The following MAGI1 variants were observed in gnomAD, a reference collection of about 807,000 sequenced individuals.
The protein encoded by MAGI1 is membrane associated guanylate kinase, WW and PDZ domain containing 1, also known as membrane-associated guanylate kinase, WW and PDZ domain-containing protein 1.
MAGI1 carries 58 observed loss-of-function variants against 139.9 expected under a neutral mutation model. The observed-to-expected ratio is 0.41, with a 90% CI of 0.34 to 0.52. The LOEUF (loss-of-function observed/expected upper bound fraction) is 0.52, where lower values mean the gene tolerates loss of function less well. MAGI1 is among the 20% of genes least tolerant of loss of function. The pLI, the probability that MAGI1 is intolerant of heterozygous loss-of-function variation, is 0.12. For synonymous variants in MAGI1, 812 were observed against 737.9 expected, an observed-to-expected ratio of 1.10 and a Z score of -1.63; for missense variants, 1,874 against 1,901.6, an observed-to-expected ratio of 0.99 and a Z score of 0.27.
At position 65,782,613 on chromosome 3, in the gene MAGI1, CAAAAAAAAAAAAA is replaced by C. The variant is rs56367932; in HGVS notation, c.314-160538_314-160526del. Among the ~76,000 whole-genome samples the C allele has an allele frequency of 7.3e-3, 445 of 60,616 alleles. 15 individuals are homozygous for C. The Middle Eastern group carries it at 0.091, about 12-fold the overall frequency. The allele number at this position is 60,616 out of a possible 152,430, so 39.8% of individuals were successfully genotyped here. A position where few individuals can be genotyped will look rare whatever the true frequency, so the allele number is the denominator to read the frequency against. On this transcript the variant is annotated intron_variant, in intron 1 of 22. Transcript: ENST00000402939. The stretch of plus-strand genomic sequence containing the variant: ...TTTTAAAGTATATGGATTTCTTAAG[CAAAAAAAAAAAAA>C]AAAAAAAAAAAAAAGTTAGATGAAA...
intron 12 of MAGI1, among the ~76,000 whole-genome samples, chr3:65,420,832 T>C (rs1946589829): frequency 6.6e-6 from 1 of 152,178 alleles, no homozygotes; most frequent in African/African-American, 2.4e-5. Context: ...CTCAATGCAT[T>C]AAGTTTACCT....
Position 66,002,935 on chromosome 3 carries a change from T to C in MAGI1, c.313+35061A>G, listed in dbSNP as rs1313041996. Among the ~76,000 whole-genome samples the C allele has an allele frequency of 4.6e-5, 7 of 152,172 alleles. No homozygotes were observed. In the East Asian group the frequency reaches 7.7e-4, roughly 17 times the overall value. Reference sequence around the variant, plus strand: ...CAGACAGGTAAATTGCACCTAATGATTGACACTAACAGGAGAATTATTAAT... The same window carrying C: ...CAGACAGGTAAATTGCACCTAATGACTGACACTAACAGGAGAATTATTAAT... On this transcript the variant is annotated intron_variant, in intron 1 of 22. Coordinates refer to ENST00000402939, the MANE Select transcript of MAGI1 (RefSeq NM_001033057.2).
chr3:65,712,486 A>AC (rs2031596287), intron 1 of MAGI1, among the ~76,000 whole-genome samples: 1 of 151,088 alleles, frequency 6.6e-6, no homozygotes, highest in Non-Finnish European at 1.5e-5. Context: ...ATGCGCGATA[A>AC]TAAAATTGTG....
chr3:65,724,928 G>A (rs9863365), intron 1 of MAGI1, among the ~76,000 whole-genome samples: 2,168 of 152,136 alleles, frequency 0.014, 51 homozygotes, highest in African/African-American at 0.05. Context: ...CACAACACTC[G>A]GGGGTTATGG....
intron 1 of MAGI1, among the ~76,000 whole-genome samples, chr3:65,790,025 A>T (rs2039654209): frequency 6.6e-6 from 1 of 152,220 alleles, no homozygotes; most frequent in Admixed American, 6.5e-5. Context: ...AATGTATTGC[A>T]TGTCTTTTAC....
chr3:65,516,996 G>T (rs990721366), intron 2 of MAGI1, among the ~76,000 whole-genome samples: 2 of 151,808 alleles, frequency 1.3e-5, no homozygotes, highest in Non-Finnish European at 2.9e-5. Flanking sequence ...CCAAAGTGCT[G>T]GGATTACAGG....
intron 1 of MAGI1, among the ~76,000 whole-genome samples, chr3:65,991,969 C>T (rs2066204961): frequency 6.6e-6 from 1 of 151,986 alleles, no homozygotes; most frequent in African/African-American, 2.4e-5. Flanking sequence ...GAGCCGAGAT[C>T]GCACCACTGC....
chr3:65,979,088 T>TCCCC (rs200894076), intron 1 of MAGI1, among the ~76,000 whole-genome samples: 2,012 of 52,270 alleles, frequency 0.038, 60 homozygotes, highest in East Asian at 0.057. Context: ...TTTCTTTTCT[T>TCCCC]CCCCCCCCCC....
chr3:65,698,807 T>C (rs1490322871), intron 1 of MAGI1, among the ~76,000 whole-genome samples: 5 of 144,390 alleles, frequency 3.5e-5, no homozygotes, highest in African/African-American at 8.0e-5. Context: ...ATTCAGGACA[T>C]AGGCGTGGGC....
intron 18 of MAGI1, among the ~76,000 whole-genome samples, chr3:65,368,506 A>G (rs1941660151): frequency 6.6e-6 from 1 of 152,228 alleles, no homozygotes; most frequent in South Asian, 2.1e-4. Context: ...GTTTCAACCT[A>G]TCTATCTGTG....
intron 1 of MAGI1, among the ~76,000 whole-genome samples, chr3:65,819,536 A>T (rs2041813779): frequency 6.6e-6 from 1 of 152,046 alleles, no homozygotes; most frequent in African/African-American, 2.4e-5. Flanking sequence ...TACAAAGTTG[A>T]TTACATCAAC....
At chr3:66,027,330 G>T (rs2068338470) in intron 1 of MAGI1, among the ~76,000 whole-genome samples, 1 of 151,504 alleles carries the variant, frequency 6.6e-6, no homozygotes, top group Admixed American at 6.6e-5. Flanking sequence ...AAAAGAGAGG[G>T]TCTTTCTCTG....
At chr3:65,857,138 T>A (rs1251866498) in intron 1 of MAGI1, among the ~76,000 whole-genome samples, 2 of 152,210 alleles carry the variant, frequency 1.3e-5, no homozygotes, top group African/African-American at 2.4e-5. Flanking sequence ...GCAGTTGGCC[T>A]TTGTTCTTAA....
intron 1 of MAGI1, among the ~76,000 whole-genome samples, chr3:65,702,806 C>G (rs534246853): frequency 6.6e-6 from 1 of 152,220 alleles, no homozygotes; most frequent in African/African-American, 2.4e-5. Context: ...TCCATCTTGA[C>G]AACCAGGATA....
chr3:65,704,946 A>G (rs2029909649), intron 1 of MAGI1, among the ~76,000 whole-genome samples: 1 of 151,662 alleles, frequency 6.6e-6, no homozygotes, highest in South Asian at 2.1e-4. Context: ...TACTGCACAG[A>G]CTCCTCCGCG....
At chr3:65,651,233 A>T (rs1022459768) in intron 1 of MAGI1, among the ~76,000 whole-genome samples, 1 of 152,232 alleles carries the variant, frequency 6.6e-6, no homozygotes, top group Non-Finnish European at 1.5e-5. Context: ...CAGGCTCATT[A>T]ACAACCAGGT....
intron 1 of MAGI1, among the ~76,000 whole-genome samples, chr3:65,961,711 C>T (rs142153013): frequency 1.7e-3 from 255 of 152,298 alleles, no homozygotes; most frequent in African/African-American, 5.7e-3. Context: ...TCAGCGCAGT[C>T]AGGAGGTGAA....
At chr3:65,983,245 G>T (rs914873467) in intron 1 of MAGI1, among the ~76,000 whole-genome samples, 24 of 152,174 alleles carry the variant, frequency 1.6e-4, no homozygotes, top group African/African-American at 5.8e-4. Context: ...TTCTTTATAT[G>T]TGCATATAAT....
At chr3:65,985,310 A>C (rs895494407) in intron 1 of MAGI1, among the ~76,000 whole-genome samples, 2 of 152,224 alleles carry the variant, frequency 1.3e-5, no homozygotes, top group African/African-American at 4.8e-5. Context: ...TTGTTCATGA[A>C]TTTAATCTCT....
Sources: gnomAD v4.1 joint callset for allele counts (sites outside exome capture counted in the v4.1 genomes callset) on GRCh38, gnomAD v4.1.1 for gene constraint, MANE v1.5 for transcripts, NCBI Gene and HGNC (gene_info 2026-07-23, HGNC 2026-07-21) for gene names.